Variants in NEB observed in about 807,000 individuals in gnomAD.
NEB encodes nebulin, also known as nemaline myopathy type 2.
In NEB, 512 loss-of-function variants were observed where a neutral mutation model predicts 952.2. That is an observed-to-expected ratio of 0.54 (90% CI 0.50 to 0.58). The LOEUF (loss-of-function observed/expected upper bound fraction) is 0.58. NEB is among the 20% of genes least tolerant of loss of function. The probability of loss-of-function intolerance (pLI) is 0.00; values close to 1 mark genes in which losing one functional copy is unlikely to be tolerated. For synonymous variants in NEB, 2,900 were observed against 3,149.8 expected (o/e 0.92, Z 2.66); for missense variants, 8,428 against 9,231.1 (o/e 0.91, Z 3.56).
chr2:151,682,152 A>T (rs903565947), intron 29 of NEB, among the ~76,000 whole-genome samples: 1 of 152,214 alleles, frequency 6.6e-6, no homozygotes, highest in Non-Finnish European at 1.5e-5. Flanking sequence ...TTTCTAGAAA[A>T]GATAAAACTT....
chr2:151,523,700 C>T (rs775191686), intron 153 of NEB, among the ~76,000 whole-genome samples: 34 of 152,138 alleles, frequency 2.2e-4, no homozygotes, highest in Non-Finnish European at 5.9e-5. Context: ...CAACACATTT[C>T]TGAGTCCATT....
chr2:151,546,066 C>A, intron 134 of NEB, 68 bp from the exon 135 acceptor site: 1 of 1,052,700 alleles, frequency 9.5e-7, no homozygotes, highest in Non-Finnish European at 1.4e-6. Flanking sequence ...GTCATATTGT[C>A]TTTCAAATGT....
chr2:151,538,480 A>C (rs1001251670), intron 138 of NEB, among the ~76,000 whole-genome samples: 27 of 152,212 alleles, frequency 1.8e-4, no homozygotes, highest in African/African-American at 5.8e-4. Flanking sequence ...TTCACTGATC[A>C]TGGCAAATCT....
chr2:151,639,360 T>G lies in NEB; in HGVS notation c.8914A>C (p.Lys2972Gln). 2 of 1,546,058 alleles carry G rather than the reference T, an allele frequency of 1.3e-6. No homozygotes were observed. The highest frequency in any genetic ancestry group is 2.4e-5 in the South Asian group (2 of 84,046). The change falls in exon 63 of 182, where the codon AAA (lysine) becomes CAA (glutamine). Residue 2972 changes from lysine to glutamine, a missense_variant. Physicochemically the swap from Lys to Gln is moderately conservative, Grantham distance 53. Coordinates refer to ENST00000397345, the MANE Select transcript of NEB (RefSeq NM_001164508.2). Reference protein sequence around the residue: ...NKRLYTEAWDKDKTQIHIMPD... With the variant: ...NKRLYTEAWDQDKTQIHIMPD... ...ATTATGTGGATCTGAGTCTTGTCTT[T>G]GTCCCAGGCTTCTGTGTATAAACGC... is the stretch of plus-strand genomic sequence containing the variant.
rs1267424874 is a variant in NEB at position 151,512,086 on chromosome 2, A to C, written c.23346+647T>G. The stretch of plus-strand genomic sequence containing the variant: ...TGCTGTGCTGCCCAGGCTGGAGTGC[A>C]GTGGCGTGATCTCGGCTCACTGCAA... On this transcript the variant is annotated intron_variant, in intron 161 of 181. Coordinates refer to ENST00000397345, the MANE Select transcript of NEB (RefSeq NM_001164508.2). Among the ~76,000 whole-genome samples the C allele has an allele frequency of 1.4e-4, 19 of 132,882 alleles. No individual in the cohort carries two copies. In the Admixed American group the frequency reaches 1.7e-3, roughly 12 times the overall value. The allele number at this position is 132,882 out of a possible 152,430, so 87.2% of individuals were successfully genotyped here. A position where few individuals can be genotyped will look rare whatever the true frequency, so the allele number is the denominator to read the frequency against.
intron 169 of NEB, among the ~76,000 whole-genome samples, chr2:151,498,583 T>TTC (rs2061982319): frequency 6.6e-6 from 1 of 152,164 alleles, no homozygotes; most frequent in Admixed American, 6.5e-5. Context: ...GGTTGTTATT[T>TTC]TCATTGTTTG....
At chr2:151,687,193 A>G (rs1046008844) in intron 27 of NEB, among the ~76,000 whole-genome samples, 1 of 152,190 alleles carries the variant, frequency 6.6e-6, no homozygotes, top group African/African-American at 2.4e-5. Context: ...TAATGCATAC[A>G]TTTTTCAAAG....
At chr2:151,486,046 A>G in intron 181 of NEB, 113 bp from the exon 182 acceptor site, 2 of 1,102,018 alleles carry the variant, frequency 1.8e-6, no homozygotes, top group African/African-American at 1.5e-5. Flanking sequence ...GTTGAACAAA[A>G]GAGAATGTGC....
rs138582547 is a variant in NEB, at chr2:151,488,270, T to C, written c.25404+1701A>G. Among the ~76,000 whole-genome samples the C allele has an allele frequency of 1.1e-4, 17 of 152,240 alleles. No individual in the cohort carries two copies. In the East Asian group the frequency reaches 3.1e-3, roughly 28 times the overall value. On this transcript the variant is annotated intron_variant, in intron 181 of 181. Coordinates refer to ENST00000397345, the MANE Select transcript of NEB (RefSeq NM_001164508.2). ...TTGTATTTATTTGTTATAGAAACATTTAAAATTTTATGATCAAATTGGCCA... is the reference window on the plus strand; with the variant it reads ...TTGTATTTATTTGTTATAGAAACATCTAAAATTTTATGATCAAATTGGCCA...
chr2:151,662,180 C>A lies in NEB; in HGVS notation c.5925G>T (p.Ser1975=), dbSNP rs1206630690. 1 of 1,613,302 alleles carries A rather than the reference C, an allele frequency of 6.2e-7. No homozygotes were observed. Among genetic ancestry groups the A allele is most frequent in the African/African-American group, 1.3e-5 (1 of 74,888 alleles). The change falls in exon 46 of 182, where the codon TCG becomes TCT. Residue 1975 remains serine, a synonymous_variant. Coordinates refer to ENST00000397345, the MANE Select transcript of NEB (RefSeq NM_001164508.2). ...DTLKYSTLMD[S]MNMVLAQNNA... ...TATTCTGGGCCAAAACCATGTTCAT[C>A]GAGTCCATGAGTGTGGAATACTTCA...
intron 161 of NEB, 83 bp from the exon 162 acceptor site, chr2:151,508,192 C>G: frequency 1.2e-6 from 1 of 856,826 alleles, no homozygotes; most frequent in Non-Finnish European, 1.8e-6. Flanking sequence ...TATTTTAGCC[C>G]TTCCAGGCTC....
Position 151,507,021 on chromosome 2 carries a change from GA to G in NEB, c.23452-9del. On this transcript the variant is annotated splice_polypyrimidine_tract_variant and intron_variant, in intron 162 of 181. Transcript: ENST00000397345. ...GTCACACTGGTATTGGAGCTATGAA[GA>G]AAGAGTAAACATCTTGTTAAGATTT... 1 of 1,501,702 alleles carries G rather than the reference GA, an allele frequency of 6.7e-7. No homozygotes were observed. 93.0% of individuals were successfully genotyped at this position (1,501,702 alleles called of 1,614,324 possible).
rs190559725 is a variant in NEB at position 151,641,578 on chromosome 2, G to A, written c.8374-912C>T. On this transcript the variant is annotated intron_variant, in intron 60 of 181. Coordinates refer to ENST00000397345, the MANE Select transcript of NEB (RefSeq NM_001164508.2). ...ACTCCTGCCCTTAAGTGATCCTCCCGCCTTGACCTCCCAAAGCACTGGGAT... is the reference window on the plus strand; with the variant it reads ...ACTCCTGCCCTTAAGTGATCCTCCCACCTTGACCTCCCAAAGCACTGGGAT... Among the ~76,000 whole-genome samples the A allele has an allele frequency of 2.6e-3, 390 of 152,202 alleles. 4 individuals carry two copies. Among genetic ancestry groups the A allele is most frequent in the African/African-American group, 8.5e-3 (353 of 41,498 alleles).
chr2:151,568,613 CT>C lies in NEB; in HGVS notation c.17634+4del. The C allele has an allele frequency of 6.3e-7, 1 of 1,597,740 alleles. No individual in the cohort carries two copies. Among genetic ancestry groups the C allele is most frequent in the Non-Finnish European group, 8.5e-7 (1 of 1,169,694 alleles). ...TGTGAGATTTTAAAACAGCCATATA[CT>C]TACATCATCGAGGATCTCGCCACTT... On this transcript the variant is annotated splice_donor_region_variant and intron_variant, in intron 111 of 181. Transcript: ENST00000397345.
chr2:151,669,112 C>A lies in NEB; in HGVS notation c.4526G>T (p.Gly1509Val). ...AGTATACTTGTGCTTCAGTTTCTCT[C>A]CCTCTACCTTGTAGTTCAACTAAAA... ...QLSDLNYKVEGEKLKHKYTID... is the reference protein window; with the variant it reads ...QLSDLNYKVEVEKLKHKYTID... Residue 1509 changes from glycine (G) to valine (V), a missense_variant, in exon 39 of 182, where the codon GGA becomes GTA. Physicochemically the swap from Gly to Val is moderately radical, Grantham distance 109. Transcript: ENST00000397345. 6.3e-7 allele frequency: 1 copy of A among 1,583,136 alleles called. No homozygotes were observed. The highest frequency in any genetic ancestry group is 1.2e-5 in the South Asian group (1 of 86,640).
Position 151,514,911 on chromosome 2 carries a change from A to G in NEB, c.22923T>C (p.Asp7641=), listed in dbSNP as rs1288580994. The G allele has an allele frequency of 3.2e-6, 5 of 1,569,886 alleles. No individual in the cohort carries two copies. In the East Asian group the frequency reaches 1.2e-4, roughly 36 times the overall value. The change falls in exon 158 of 182, where the codon GAT becomes GAC. Residue 7641 remains aspartate, a synonymous_variant. Coordinates refer to ENST00000397345, the MANE Select transcript of NEB (RefSeq NM_001164508.2). The stretch of plus-strand genomic sequence containing the variant: ...TTCTGCCTTTAATGGACTCTTCATA[A>G]TCTTTCCTATATTCTTTCTAATGTA... ...QMQSGKEYRK[D]YEESIKGRNL...
Position 151,642,444 on chromosome 2 carries a change from C to T in NEB, c.8373+130G>A, listed in dbSNP as rs576067859. 7.3e-5 allele frequency: 54 copies of T among 744,278 alleles called. No individual in the cohort carries two copies. In the African/African-American group the frequency reaches 8.8e-4, roughly 12 times the overall value. 46.1% of individuals were successfully genotyped at this position (744,278 alleles called of 1,614,324 possible). On this transcript the variant is annotated intron_variant, in intron 60 of 181. Transcript: ENST00000397345. ...TAACTCTATTACCATTATTTTAAACCATTCATCGAAACAATAAACTGTTAG... is the reference window on the plus strand; with the variant it reads ...TAACTCTATTACCATTATTTTAAACTATTCATCGAAACAATAAACTGTTAG...
At chr2:151,631,066 A>T (rs1256622717) in intron 66 of NEB, 77 bp downstream of exon 66, 8 of 1,559,682 alleles carry the variant, frequency 5.1e-6, no homozygotes, top group Middle Eastern at 2.2e-4. Context: ...TTCATAGATA[A>T]TTTAGACTCC....
intron 181 of NEB, chr2:151,486,198 T>C (rs970324659): frequency 1.7e-4 from 63 of 362,464 alleles, no homozygotes; most frequent in Non-Finnish European, 1.7e-4. Flanking sequence ...AGGATATGAA[T>C]AGACATTTCT....
Sources: gnomAD v4.1 joint callset for allele counts (sites outside exome capture counted in the v4.1 genomes callset) on GRCh38, gnomAD v4.1.1 for gene constraint, MANE v1.5 for transcripts, NCBI Gene and HGNC (gene_info 2026-07-23, HGNC 2026-07-21) for gene names.